The following TAFA1 variants were observed in gnomAD, a reference collection of about 807,000 sequenced individuals.
TAFA1 encodes TAFA chemokine like family member 1.
A neutral mutation model predicts 18.5 loss-of-function variants in TAFA1; 4 were observed. That is an observed-to-expected ratio of 0.22 (90% CI 0.11 to 0.49). TAFA1 has a LOEUF of 0.49. TAFA1 is among the 20% of genes least tolerant of loss of function. The pLI is 0.98. For synonymous variants in TAFA1, 56 were observed against 55.2 expected (o/e 1.01, Z -0.06); for missense variants, 147 against 169.0 (o/e 0.87, Z 0.72).
intron 2 of TAFA1, among the ~76,000 whole-genome samples, chr3:68,108,960 A>ATT (rs11425310): frequency 4.0e-5 from 6 of 151,504 alleles, no homozygotes; most frequent in East Asian, 1.9e-4. Context: ...TATTCTACAC[A>ATT]TTTTTTTTCA....
At chr3:68,178,267 C>T (rs1429078633) in intron 2 of TAFA1, among the ~76,000 whole-genome samples, 4 of 152,210 alleles carry the variant, frequency 2.6e-5, no homozygotes, top group African/African-American at 7.2e-5. Flanking sequence ...TTTCCTCATT[C>T]ATTCACTCAT....
At chr3:68,060,560 T>C (rs1439402119) in intron 2 of TAFA1, among the ~76,000 whole-genome samples, 1 of 152,166 alleles carries the variant, frequency 6.6e-6, no homozygotes, top group Non-Finnish European at 1.5e-5. Flanking sequence ...GCAAATGAGA[T>C]GGTGGGTCCT....
chr3:68,420,457 C>T (rs1370977357), intron 3 of TAFA1, among the ~76,000 whole-genome samples: 1 of 152,106 alleles, frequency 6.6e-6, no homozygotes, highest in Non-Finnish European at 1.5e-5. Flanking sequence ...TGGGCTCAAG[C>T]AACCCTCCTG....
chr3:68,378,177 T>C (rs775763395), intron 2 of TAFA1, among the ~76,000 whole-genome samples: 1 of 152,148 alleles, frequency 6.6e-6, no homozygotes, highest in Non-Finnish European at 1.5e-5. Flanking sequence ...GAATTGTAGA[T>C]CCACTGACAC....
chr3:68,446,840 A>G (rs1443679216), intron 3 of TAFA1, among the ~76,000 whole-genome samples: 1 of 152,216 alleles, frequency 6.6e-6, no homozygotes, highest in Non-Finnish European at 1.5e-5. Flanking sequence ...TAATCTGAAT[A>G]CAATCACTAC....
chr3:68,493,314 G>C (rs1011262568), intron 3 of TAFA1, among the ~76,000 whole-genome samples: 1 of 152,116 alleles, frequency 6.6e-6, no homozygotes, highest in Non-Finnish European at 1.5e-5. Context: ...TGCGGCATGG[G>C]TTGGAATTTC....
chr3:68,517,810 T>G lies in TAFA1; in HGVS notation c.260-20946T>G, dbSNP rs150300031. ...TATTATTCTCATGGTATCTTTGATT[T>G]GTCACAGCAATTGCATTTGTATAAG... On this transcript the variant is annotated intron_variant, in intron 3 of 4. Transcript: ENST00000478136. Among the ~76,000 whole-genome samples the G allele has an allele frequency of 9.2e-5, 14 of 152,316 alleles. No homozygotes were observed. In the East Asian group the frequency reaches 2.5e-3, roughly 27 times the overall value.
chr3:68,032,339 T>A (rs2106655019), intron 2 of TAFA1, among the ~76,000 whole-genome samples: 1 of 152,312 alleles, frequency 6.6e-6, no homozygotes, highest in African/African-American at 2.4e-5. Flanking sequence ...ACCCTTGTTT[T>A]GATTTCATCA....
intron 2 of TAFA1, among the ~76,000 whole-genome samples, chr3:68,181,449 T>C (rs1453491640): frequency 1.3e-5 from 2 of 151,926 alleles, no homozygotes; most frequent in South Asian, 2.1e-4. Flanking sequence ...CCAGTGAATA[T>C]AGTTTTGGTC....
At chr3:68,198,426 T>C (rs1234828242) in intron 2 of TAFA1, among the ~76,000 whole-genome samples, 1 of 151,630 alleles carries the variant, frequency 6.6e-6, no homozygotes, top group Non-Finnish European at 1.5e-5. Flanking sequence ...AGAGTATGTT[T>C]AGTTTTGTCA....
At chr3:68,366,279 A>AGTGTCCTTTCC (rs1184200352) in intron 2 of TAFA1, among the ~76,000 whole-genome samples, 2 of 152,090 alleles carry the variant, frequency 1.3e-5, no homozygotes, top group Admixed American at 6.5e-5. Flanking sequence ...TCAATGGGTG[A>AGTGTCCTTTCC]GTGTCCTTTC....
At chr3:68,048,774 C>T (rs1191489632) in intron 2 of TAFA1, among the ~76,000 whole-genome samples, 1 of 152,048 alleles carries the variant, frequency 6.6e-6, no homozygotes, top group Non-Finnish European at 1.5e-5. Flanking sequence ...ATTGATGTTG[C>T]TGCAAATGAC....
chr3:68,119,042 T>C (rs2065356266), intron 2 of TAFA1, among the ~76,000 whole-genome samples: 1 of 151,160 alleles, frequency 6.6e-6, no homozygotes, highest in South Asian at 2.1e-4. Flanking sequence ...ACTTATTTTC[T>C]TTTTTTTGGG....
intron 2 of TAFA1, among the ~76,000 whole-genome samples, chr3:68,025,941 T>C (rs562719974): frequency 1.1e-4 from 16 of 152,272 alleles, no homozygotes; most frequent in Non-Finnish European, 2.1e-4. Flanking sequence ...CACAGGAATG[T>C]AAGTTCCACG....
At chr3:68,331,241 C>A (rs911665091) in intron 2 of TAFA1, among the ~76,000 whole-genome samples, 2 of 152,102 alleles carry the variant, frequency 1.3e-5, no homozygotes, top group African/African-American at 2.4e-5. Flanking sequence ...ATGAGCAAAT[C>A]TATTGAAGCA....
chr3:68,421,697 AT>A (rs1000565454), intron 3 of TAFA1, among the ~76,000 whole-genome samples: 14 of 151,982 alleles, frequency 9.2e-5, no homozygotes, highest in Admixed American at 7.9e-4. Context: ...GATTGTGCTG[AT>A]TTTTTTAAGA....
At chr3:68,087,800 T>C (rs893737436) in intron 2 of TAFA1, among the ~76,000 whole-genome samples, 1 of 152,170 alleles carries the variant, frequency 6.6e-6, no homozygotes, top group African/African-American at 2.4e-5. Flanking sequence ...TTTATTTCAT[T>C]TTGTGAATGT....
At chr3:68,271,347 T>A (rs1477103005) in intron 2 of TAFA1, among the ~76,000 whole-genome samples, 1 of 152,072 alleles carries the variant, frequency 6.6e-6, no homozygotes, top group African/African-American at 2.4e-5. Flanking sequence ...TTTGCCTTAC[T>A]CACACTCCAT....
intron 3 of TAFA1, among the ~76,000 whole-genome samples, chr3:68,467,670 G>A (rs996250872): frequency 3.9e-5 from 6 of 152,138 alleles, no homozygotes; most frequent in Admixed American, 1.3e-4. Context: ...TGGCTAAACT[G>A]GTTTAACAGG....
Sources: allele counts gnomAD v4.1 joint callset (sites outside exome capture counted in the v4.1 genomes callset), GRCh38; gene constraint gnomAD v4.1.1; transcripts MANE v1.5; gene names NCBI Gene and HGNC (gene_info 2026-07-23, HGNC 2026-07-21).